Variants in ZNF44 observed in about 807,000 individuals in gnomAD.
ZNF44 encodes the protein gonadotropin inducible transcription repressor-2.
In ZNF44, 9 loss-of-function variants were observed where a neutral mutation model predicts 11.7. The observed-to-expected ratio is 0.77, with a 90% confidence interval of 0.46 to 1.35. ZNF44 has a LOEUF of 1.35. ZNF44 is among the 40% of genes most tolerant of loss of function. The pLI, the probability that ZNF44 is intolerant of heterozygous loss-of-function variation, is 0.00. For synonymous variants in ZNF44, 224 were observed against 242.7 expected (o/e 0.92, Z 0.72); for missense variants, 696 against 743.1 (o/e 0.94, Z 0.74).
At position 12,255,333 on chromosome 19, in the gene ZNF44, C is replaced by A. The variant is rs10422657; in HGVS notation, c.1913-4965G>T. 7.9e-3 allele frequency among the ~76,000 whole-genome samples: 1,191 copies of A among 150,590 alleles called. 14 individuals carry two copies. Among genetic ancestry groups the A allele is most frequent in the African/African-American group, 0.028 (1,142 of 41,110 alleles). ...AAACTGCAAGAAATAAAAAAAAAATCAAAACCAAAAGCCAGCTCTTTGAAA... is the reference window on the plus strand; with the variant it reads ...AAACTGCAAGAAATAAAAAAAAAATAAAAACCAAAAGCCAGCTCTTTGAAA... On this transcript the variant is annotated intron_variant and NMD_transcript_variant, in intron 5 of 7. Coordinates refer to the ZNF44 transcript ENST00000393337.
chr19:12,236,210 C>T (rs985440486), intron 1 of ZNF44, among the ~76,000 whole-genome samples: 3 of 152,090 alleles, frequency 2.0e-5, no homozygotes, highest in Admixed American at 6.5e-5. Flanking sequence ...GGGTTAAGTT[C>T]GGCAAACAGA....
chr19:12,260,313 A>G (rs1917451755), intron 5 of ZNF44: 2 of 874,228 alleles, frequency 2.3e-6, no homozygotes, highest in Admixed American at 1.8e-5. Context: ...GGTGGTGGTC[A>G]CGAAGCAGAG....
At chr19:12,237,613 AC>A (rs1410390039), upstream of ZNF44, 1 of 152,074 alleles carries the variant, frequency 6.6e-6, no homozygotes, top group African/African-American at 2.4e-5. Flanking sequence ...GCTTGGCCCC[AC>A]CCTCCTGGCG....
chr19:12,251,550 G>A (rs765310187), intron 5 of ZNF44, among the ~76,000 whole-genome samples: 2 of 152,104 alleles, frequency 1.3e-5, no homozygotes, highest in Admixed American at 6.6e-5. Flanking sequence ...GAGCTATTAA[G>A]TTACTGGGAA....
chr19:12,239,733 G>A (rs2438554), upstream of ZNF44, among the ~76,000 whole-genome samples: 1 of 151,060 alleles, frequency 6.6e-6, no homozygotes, highest in Non-Finnish European at 1.5e-5. Context: ...GCCACCACAC[G>A]CAGCTAATTT....
intron 5 of ZNF44, among the ~76,000 whole-genome samples, chr19:12,265,523 AAC>A (rs1457346707): frequency 3.9e-5 from 6 of 152,168 alleles, no homozygotes; most frequent in African/African-American, 1.4e-4. Flanking sequence ...CCTAAATACT[AAC>A]ACACAATCGA....
chr19:12,272,244 C>T lies in ZNF44; in HGVS notation c.*163G>A. The T allele has an allele frequency of 1.7e-6, 2 of 1,198,992 alleles. No homozygotes were observed. The highest frequency in any genetic ancestry group is 2.1e-6 in the Non-Finnish European group (2 of 942,480). The allele number at this position is 1,198,992 out of a possible 1,614,324, so 74.3% of individuals were successfully genotyped here. A position where few individuals can be genotyped will look rare whatever the true frequency, so the allele number is the denominator to read the frequency against. On this transcript the variant is annotated 3_prime_UTR_variant, in exon 4 of 4. Coordinates refer to ENST00000355684, the MANE Select transcript of ZNF44 (RefSeq NM_016264.4). ...GGTCTCGATCTCCTGGCCTCGTGAT[C>T]TGCCCTCCTCGGCCTCTCAAAGTGC... is the stretch of plus-strand genomic sequence containing the variant.
rs1177853210 is a variant in ZNF44, at chr19:12,272,191, A to G, written c.*216T>C. 1.6e-6 allele frequency: 1 copy of G among 637,044 alleles called. No individual in the cohort carries two copies. Among genetic ancestry groups the G allele is most frequent in the Non-Finnish European group, 2.2e-6 (1 of 448,024 alleles). 39.5% of individuals were successfully genotyped at this position (637,044 alleles called of 1,614,324 possible). ...TTTTTTTTTTCCGTATTTTTAGTAG[A>G]GACAGGGTTTCCCATGTTAGCCAGG... On this transcript the variant is annotated 3_prime_UTR_variant, in exon 4 of 4. Transcript: ENST00000355684.
chr19:12,284,801 CAG>C, intron 1 of ZNF44: 1 of 1,186,842 alleles, frequency 8.4e-7, no homozygotes, highest in South Asian at 1.3e-5. Context: ...TCCTCGTGCG[CAG>C]AGGCTACTGG....
intron 1 of ZNF44, among the ~76,000 whole-genome samples, chr19:12,293,058 T>C (rs1428668334): frequency 1.3e-5 from 2 of 151,998 alleles, no homozygotes; most frequent in South Asian, 2.1e-4. Context: ...TCAGTAGAGA[T>C]GGGGTTTCAC....
At chr19:12,250,410 T>C in intron 5 of ZNF44, 3 of 1,316,578 alleles carry the variant, frequency 2.3e-6, no homozygotes, top group South Asian at 1.2e-5. Context: ...TGGGTGAGAC[T>C]GACAGCACTG....
chr19:12,275,314 G>A (rs2145730650), intron 2 of ZNF44, among the ~76,000 whole-genome samples: 1 of 152,240 alleles, frequency 6.6e-6, no homozygotes, highest in East Asian at 1.9e-4. Context: ...TTAATGCAGA[G>A]TAAATATAGT....
chr19:12,266,180 C>A (rs933364348), intron 5 of ZNF44: 285 of 881,550 alleles, frequency 3.2e-4, no homozygotes, highest in Non-Finnish European at 3.7e-4. Flanking sequence ...AGCCCCAGAC[C>A]CCGGAGTCGC....
chr19:12,278,490 G>C (rs910688967), intron 1 of ZNF44, among the ~76,000 whole-genome samples: 18 of 152,214 alleles, frequency 1.2e-4, no homozygotes, highest in Admixed American at 3.3e-4. Flanking sequence ...AGCTGGTCTC[G>C]GCACCAAGGG....
intron 1 of ZNF44, among the ~76,000 whole-genome samples, chr19:12,282,040 A>G (rs1157074174): frequency 6.6e-6 from 1 of 152,204 alleles, no homozygotes; most frequent in African/African-American, 2.4e-5. Flanking sequence ...TAAGGCCAAC[A>G]TTGCCCTAAC....
intron 1 of ZNF44, among the ~76,000 whole-genome samples, chr19:12,283,593 T>C (rs1233175917): frequency 6.6e-6 from 1 of 152,126 alleles, no homozygotes; most frequent in Non-Finnish European, 1.5e-5. Flanking sequence ...CCTCCCAAAG[T>C]GCTGGGATTA....
Position 12,272,592 on chromosome 19 carries a change from T to C in ZNF44, c.1663A>G (p.Thr555Ala). Reference sequence around the variant, plus strand: ...TTACATTCATAGGGTCTTTCTCCAGTGTGAGTCCTTTCATGTCTTAGAAGG... The same window carrying C: ...TTACATTCATAGGGTCTTTCTCCAGCGTGAGTCCTTTCATGTCTTAGAAGG... ...SFLLRHERTH[T>A]GERPYECKHC... Residue 555 changes from threonine (T) to alanine (A), a missense_variant, in exon 4 of 4, where the codon ACT becomes GCT. By Grantham distance (58) the Thr-to-Ala change is moderately conservative (BLOSUM62 0). Coordinates refer to ENST00000355684, the MANE Select transcript of ZNF44 (RefSeq NM_016264.4). The C allele has an allele frequency of 1.2e-6, 2 of 1,613,326 alleles. No homozygotes were observed. The highest frequency in any genetic ancestry group is 8.5e-7 in the Non-Finnish European group (1 of 1,179,704).
At chr19:12,254,122 T>C (rs2438567) in intron 5 of ZNF44, among the ~76,000 whole-genome samples, 22 of 150,778 alleles carry the variant, frequency 1.5e-4, no homozygotes, top group Admixed American at 6.6e-4. Flanking sequence ...CAAGATAAGA[T>C]AGACTACATT....
Position 12,273,134 on chromosome 19 carries a change from A to G in ZNF44, c.1121T>C (p.Leu374Ser). ...TCTTCGAAAGCTTGAGCGATGAGAT[A>G]ACAATTTCCCACATTGCTTACATTC... is the stretch of plus-strand genomic sequence containing the variant. Reference protein sequence around the residue: ...PYECKQCGKLLSHRSSFRRHM... With the variant: ...PYECKQCGKLSSHRSSFRRHM... The change falls in exon 4 of 4, where the codon TTA (leucine) becomes TCA (serine). Residue 374 changes from leucine to serine, a missense_variant. By Grantham distance (145) the Leu-to-Ser change is moderately radical. Coordinates refer to ENST00000355684, the MANE Select transcript of ZNF44 (RefSeq NM_016264.4). 1.9e-6 allele frequency: 3 copies of G among 1,613,892 alleles called. No individual in the cohort carries two copies. The highest frequency in any genetic ancestry group is 2.5e-6 in the Non-Finnish European group (3 of 1,179,776).
Sources: allele counts gnomAD v4.1 joint callset (sites outside exome capture counted in the v4.1 genomes callset), GRCh38; gene constraint gnomAD v4.1.1; transcripts MANE v1.5; gene names NCBI Gene and HGNC (gene_info 2026-07-23, HGNC 2026-07-21).